MORN1: variants seen among roughly 807,000 people sequenced by gnomAD.
MORN1 encodes the protein MORN repeat containing 1.
MORN1 carries 67 observed loss-of-function variants against 61.9 expected under a neutral mutation model. The ratio of observed to expected loss-of-function variants is 1.08; its 90% CI spans 0.89 to 1.33. The LOEUF is 1.33. Among genes scored for constraint, MORN1 ranks in the 40% most tolerant of loss-of-function variants. The pLI is 0.00. For missense variants in MORN1, 752 were observed against 691.2 expected, an observed-to-expected ratio of 1.09 and a Z score of -0.99; for synonymous variants, 301 against 292.0, an observed-to-expected ratio of 1.03 and a Z score of -0.31.
chr1:2,336,699 C>T lies in MORN1; in HGVS notation c.1170+18G>A. ...TGAGTGATGTGGGGTGGCCTCCCCG[C>T]CCCCCGTGGGCACCCACCTTGTGGA... is the stretch of plus-strand genomic sequence containing the variant. On this transcript the variant is annotated intron_variant, in intron 11 of 13. Transcript: ENST00000378531. 2 of 1,545,868 alleles carry T rather than the reference C, an allele frequency of 1.3e-6. No individual in the cohort carries two copies. Among genetic ancestry groups the T allele is most frequent in the Non-Finnish European group, 1.7e-6 (2 of 1,142,956 alleles).
intron 13 of MORN1, chr1:2,321,897 G>A (rs1179768263): frequency 1.1e-5 from 6 of 550,560 alleles, no homozygotes; most frequent in Non-Finnish European, 1.4e-5. Flanking sequence ...TCGCATGGTG[G>A]CCGCTCTCAA....
At chr1:2,389,599 G>A (rs890422807) in intron 2 of MORN1, among the ~76,000 whole-genome samples, 3 of 152,202 alleles carry the variant, frequency 2.0e-5, no homozygotes, top group Non-Finnish European at 1.5e-5. Flanking sequence ...CTATTACTTG[G>A]ATTTACTACA....
intron 10 of MORN1, among the ~76,000 whole-genome samples, chr1:2,348,012 C>T (rs1042208221): frequency 1.3e-5 from 2 of 152,212 alleles, no homozygotes; most frequent in Middle Eastern, 3.2e-3. Context: ...GGGCACGCCT[C>T]GGGGTCAGAC....
chr1:2,391,505 C>T lies in MORN1; in HGVS notation c.29G>A (p.Ser10Asn), dbSNP rs1642664857. The change falls in exon 1 of 14, where the codon AGC becomes AAC. Residue 10 changes from serine to asparagine, a missense_variant. Coordinates refer to ENST00000378531, the MANE Select transcript of MORN1 (RefSeq NM_024848.3). ...CGGGTCCCGACGCGGCCCGCGGGAG[C>T]TCGGGGTGCCCTCGCCCGCCGCTGC... MAAAGEGTP[S>N]SRGPRRDPPR... The T allele has an allele frequency of 3.2e-6, 4 of 1,250,294 alleles. No homozygotes were observed. The highest frequency in any genetic ancestry group is 2.0e-6 in the Non-Finnish European group (2 of 991,786). 77.5% of individuals were successfully genotyped at this position (1,250,294 alleles called of 1,614,324 possible).
In MORN1 at chr1:2,391,363, G is replaced by A. The variant is rs1570066920; in HGVS notation, c.76+95C>T. On this transcript the variant is annotated intron_variant, in intron 1 of 13. Transcript: ENST00000378531. ...CGCGGCACCTGGACCTCTACTTTCC[G>A]AGGTGAGCATTTGGGGGTCGAGGGC... The A allele has an allele frequency of 4.9e-6, 6 of 1,222,880 alleles. No individual in the cohort carries two copies. In the East Asian group the frequency reaches 9.5e-5, roughly 19 times the overall value. The allele number at this position is 1,222,880 out of a possible 1,614,324, so 75.8% of individuals were successfully genotyped here.
chr1:2,382,964 C>G (rs1182621416), intron 6 of MORN1, among the ~76,000 whole-genome samples: 1 of 152,114 alleles, frequency 6.6e-6, no homozygotes, highest in Non-Finnish European at 1.5e-5. Flanking sequence ...CACACTGCAC[C>G]TCCCGCCTGA....
chr1:2,336,111 T>G (rs1429648305), intron 12 of MORN1, among the ~76,000 whole-genome samples: 1 of 152,218 alleles, frequency 6.6e-6, no homozygotes, highest in Non-Finnish European at 1.5e-5. Flanking sequence ...GCCACTGCCC[T>G]GAACCCTGGC....
At chr1:2,327,409 CAG>C (rs1641057089) in intron 12 of MORN1, among the ~76,000 whole-genome samples, 2 of 151,750 alleles carry the variant, frequency 1.3e-5, no homozygotes, top group Non-Finnish European at 2.9e-5. Context: ...GAAACAAACA[CAG>C]AGACACAGAG....
intron 12 of MORN1, among the ~76,000 whole-genome samples, chr1:2,329,233 G>A (rs911970379): frequency 6.6e-6 from 1 of 152,222 alleles, no homozygotes; most frequent in African/African-American, 2.4e-5. Context: ...CCCGCTGAGC[G>A]CTGGGCACGT....
chr1:2,354,719 G>T (rs1226374889), intron 10 of MORN1, among the ~76,000 whole-genome samples: 2 of 152,178 alleles, frequency 1.3e-5, no homozygotes, highest in African/African-American at 4.8e-5. Flanking sequence ...ATCCGTCCTT[G>T]GGGTGGACGC....
intron 12 of MORN1, among the ~76,000 whole-genome samples, chr1:2,331,342 C>T (rs1396137396): frequency 6.6e-6 from 1 of 152,232 alleles, no homozygotes; most frequent in Non-Finnish European, 1.5e-5. Flanking sequence ...CCCTCCACGC[C>T]TGGACTTGGC....
At position 2,337,865 on chromosome 1, in the gene MORN1, G is replaced by A. The variant is rs139995935; in HGVS notation, c.1037-1015C>T. Reference sequence around the variant, plus strand: ...GGTGGCTTTAGGGCCACAGATGAGTGTCCCCACCAGGCAGTGACACCATCA... The same window carrying A: ...GGTGGCTTTAGGGCCACAGATGAGTATCCCCACCAGGCAGTGACACCATCA... On this transcript the variant is annotated intron_variant, in intron 10 of 13. Coordinates refer to ENST00000378531, the MANE Select transcript of MORN1 (RefSeq NM_024848.3). The surrounding 1 kb of genome is among the most constrained non-coding windows in gnomAD (Gnocchi z 5.7). Among the ~76,000 whole-genome samples the A allele has an allele frequency of 1.8e-3, 278 of 152,232 alleles. No individual in the cohort carries two copies. The highest frequency in any genetic ancestry group is 3.0e-3 in the Non-Finnish European group (203 of 68,012).
At chr1:2,349,224 G>C (rs1244827591) in intron 10 of MORN1, among the ~76,000 whole-genome samples, 1 of 152,206 alleles carries the variant, frequency 6.6e-6, no homozygotes, top group African/African-American at 2.4e-5. Context: ...TCAGAGAAGA[G>C]AAAAGGACCT....
chr1:2,388,799 AAGAG>A (rs1265589256), intron 2 of MORN1, among the ~76,000 whole-genome samples: 12 of 130,028 alleles, frequency 9.2e-5, no homozygotes, highest in South Asian at 2.9e-4. Flanking sequence ...AAAAAAAAAA[AAGAG>A]AGAGAGAGAA....
At chr1:2,355,156 C>G (rs1183772688) in intron 10 of MORN1, 1 of 1,135,814 alleles carries the variant, frequency 8.8e-7, no homozygotes, top group Non-Finnish European at 1.1e-6. Flanking sequence ...GAAAATCTCT[C>G]CAAGTAGAAG....
At chr1:2,388,931 G>C (rs1642573014) in intron 2 of MORN1, among the ~76,000 whole-genome samples, 1 of 151,974 alleles carries the variant, frequency 6.6e-6, no homozygotes, top group African/African-American at 2.4e-5. Flanking sequence ...GGCCAACATG[G>C]CAAAACTGCA....
chr1:2,333,502 A>AGG (rs1641202667), intron 12 of MORN1, among the ~76,000 whole-genome samples: 1 of 152,192 alleles, frequency 6.6e-6, no homozygotes, highest in Non-Finnish European at 1.5e-5. Context: ...CCTGCAGAAC[A>AGG]AAGTTGTCAG....
chr1:2,342,811 T>G (rs1641422632), intron 10 of MORN1, among the ~76,000 whole-genome samples: 1 of 152,042 alleles, frequency 6.6e-6, no homozygotes, highest in Non-Finnish European at 1.5e-5. Flanking sequence ...GGCCTTTCCT[T>G]TGCCTTTTTA....
At chr1:2,391,209 C>G (rs1418979406) in intron 1 of MORN1, among the ~76,000 whole-genome samples, 3 of 152,124 alleles carry the variant, frequency 2.0e-5, no homozygotes, top group Non-Finnish European at 4.4e-5. Flanking sequence ...GCTAGGAGCC[C>G]GCGGGGGGCG....
Sources: gnomAD v4.1 joint callset for allele counts (sites outside exome capture counted in the v4.1 genomes callset) on GRCh38, gnomAD v4.1.1 for gene constraint, Gnocchi (gnomAD v3.1) non-coding constraint, MANE v1.5 for transcripts, NCBI Gene and HGNC (gene_info 2026-07-23, HGNC 2026-07-21) for gene names.